Variants in MZF1 observed in about 807,000 individuals in gnomAD.
MZF1 encodes myeloid zinc finger 1.
MZF1 carries 24 observed loss-of-function variants against 28.6 expected under a neutral mutation model. The ratio of observed to expected loss-of-function variants is 0.84; its 90% CI spans 0.61 to 1.18. MZF1 has a LOEUF of 1.18. Ranked by LOEUF, MZF1 falls within the 50% of genes most tolerant of loss-of-function variation. The pLI, the probability that MZF1 is intolerant of heterozygous loss-of-function variation, is 0.00. For missense variants in MZF1, 1,166 were observed against 1,026.4 expected, an observed-to-expected ratio of 1.14 and a Z score of -1.86; for synonymous variants, 516 against 432.5, an observed-to-expected ratio of 1.19 and a Z score of -2.40.
intron 3 of MZF1, 77 bp downstream of exon 3, chr19:58,570,267 T>C: frequency 6.8e-7 from 1 of 1,465,474 alleles, no homozygotes; most frequent in Non-Finnish European, 9.2e-7. Flanking sequence ...CCCAGTGGAC[T>C]TCAGACTGAC....
rs1408250588 is a variant in MZF1 at position 58,562,179 on chromosome 19, G to A, written c.2098C>T (p.Leu700=). 6.2e-7 allele frequency: 1 copy of A among 1,603,914 alleles called. No homozygotes were observed. The highest frequency in any genetic ancestry group is 8.5e-7 in the Non-Finnish European group (1 of 1,177,518). The change falls in exon 6 of 6, where the codon CTG becomes TTG. Residue 700 remains leucine (L), a synonymous_variant. Coordinates refer to ENST00000215057, the MANE Select transcript of MZF1 (RefSeq NM_198055.2). Reference sequence around the variant, plus strand: ...GGCTTCTCTCGTCGGTGGGTGCGCAGATGCTGCGTGAGCGTGGGCCGCTGG... The same window carrying A: ...GGCTTCTCTCGTCGGTGGGTGCGCAAATGCTGCGTGAGCGTGGGCCGCTGG... ...FRQRPTLTQH[L]RTHRREKPFA...
intron 1 of MZF1, chr19:58,572,434 G>A (rs2054182520): frequency 1.3e-6 from 1 of 757,348 alleles, no homozygotes; most frequent in South Asian, 1.6e-5. Context: ...GGGCGGCAAA[G>A]GCTCCAAGAC....
Position 58,570,523 on chromosome 19 carries a change from G to T in MZF1, c.401C>A (p.Thr134Lys). The T allele has an allele frequency of 5.6e-6, 9 of 1,611,432 alleles. No homozygotes were observed. The highest frequency in any genetic ancestry group is 7.6e-6 in the Non-Finnish European group (9 of 1,178,684). Residue 134 changes from threonine to lysine, a missense_variant, in exon 3 of 6, where the codon ACA becomes AAA. By Grantham distance (78) the Thr-to-Lys change is moderately conservative. Transcript: ENST00000215057. Reference sequence around the variant, plus strand: ...GACCTCCTGGCCCTGCACCTGGACTGTGACCTGGGGAGGTGCCCCCACCAT... The same window carrying T: ...GACCTCCTGGCCCTGCACCTGGACTTTGACCTGGGGAGGTGCCCCCACCAT... ...REPGGPRRWV[T>K]VQVQGQEVLS...
At chr19:58,570,609 C>T (rs1367145215) in intron 2 of MZF1, 82 bp from the exon 3 acceptor site, 3 of 1,435,094 alleles carry the variant, frequency 2.1e-6, no homozygotes, top group Non-Finnish European at 2.8e-6. Flanking sequence ...GCCCATCCCA[C>T]TGTAGGATCC....
rs1766621532 is a variant in MZF1 at position 58,563,068 on chromosome 19, C to T, written c.1209G>A (p.Gln403=). 2 of 1,603,424 alleles carry T rather than the reference C, an allele frequency of 1.2e-6. No homozygotes were observed. Among genetic ancestry groups the T allele is most frequent in the Admixed American group, 1.7e-5 (1 of 59,934 alleles). The change falls in exon 6 of 6, where the codon CAG becomes CAA. Residue 403 remains glutamine (Q), a synonymous_variant. Coordinates refer to ENST00000215057, the MANE Select transcript of MZF1 (RefSeq NM_198055.2). Reference sequence around the variant, plus strand: ...ACGGCCGCTCCTCGGTGTGCGTAAGCTGGTGGCGCAGCAGGTGCGAGCTGC... The same window carrying T: ...ACGGCCGCTCCTCGGTGTGCGTAAGTTGGTGGCGCAGCAGGTGCGAGCTGC... ...FSRSSHLLRH[Q]LTHTEERPFV...
chr19:58,563,467 T>C lies in MZF1; in HGVS notation c.810A>G (p.Pro270=). Reference sequence around the variant, plus strand: ...CGTGGAGGTGAGGGCTTACACTACCTGGACCTGCGGAGATGCTGCCTAGCT... The same window carrying C: ...CGTGGAGGTGAGGGCTTACACTACCCGGACCTGCGGAGATGCTGCCTAGCT... ...ALQLGSISAG[P]GSVSPHLHVP... Residue 270 remains proline (P), a synonymous_variant, in exon 6 of 6, where the codon CCA becomes CCG. Transcript: ENST00000215057. 2.5e-6 allele frequency: 4 copies of C among 1,569,944 alleles called. No individual in the cohort carries two copies. The highest frequency in any genetic ancestry group is 3.5e-6 in the Non-Finnish European group (4 of 1,156,602).
chr19:58,571,344 C>A lies in MZF1; in HGVS notation c.46G>T (p.Asp16Tyr). The change falls in exon 2 of 6, where the codon GAT becomes TAT. Residue 16 changes from aspartate to tyrosine, a missense_variant. Physicochemically the swap from Asp to Tyr is radical, Grantham distance 160. Coordinates refer to ENST00000215057, the MANE Select transcript of MZF1 (RefSeq NM_198055.2). Reference sequence around the variant, plus strand: ...AGCTTCACCATGACAGGCCCCTCATCTTCTGGGGGTGCTCGGTCTGGGGAG... The same window carrying A: ...AGCTTCACCATGACAGGCCCCTCATATTCTGGGGGTGCTCGGTCTGGGGAG... The part of the protein sequence containing the change: ...LGSPDRAPPE[D>Y]EGPVMVKLED... 1 of 1,614,208 alleles carries A rather than the reference C, an allele frequency of 6.2e-7. No homozygotes were observed. Among genetic ancestry groups the A allele is most frequent in the Non-Finnish European group, 8.5e-7 (1 of 1,180,038 alleles).
rs923386820 is a variant in MZF1, at chr19:58,570,491, C to A, written c.433G>T (p.Glu145Ter). The change falls in exon 3 of 6, where the codon GAG (glutamate) becomes TAG (stop). Residue 145 changes from glutamate to a stop codon, truncating the protein, a stop_gained. Coordinates refer to ENST00000215057, the MANE Select transcript of MZF1 (RefSeq NM_198055.2). LOFTEE classifies it high-confidence loss of function. Reference sequence around the variant, plus strand: ...TGGAAACTGGAGGGCTCCATCTTCTCTGATAGGACCTCCTGGCCCTGCACC... The same window carrying A: ...TGGAAACTGGAGGGCTCCATCTTCTATGATAGGACCTCCTGGCCCTGCACC... ...VQVQGQEVLS[E>*]KMEPSSFQPL... 3 of 1,613,754 alleles carry A rather than the reference C, an allele frequency of 1.9e-6. No homozygotes were observed. Among genetic ancestry groups the A allele is most frequent in the Non-Finnish European group, 2.5e-6 (3 of 1,179,760 alleles).
In MZF1 at chr19:58,572,883, C is replaced by T. The variant is rs2054192327; in HGVS notation, c.-41+172G>A. The stretch of plus-strand genomic sequence containing the variant: ...GGGCTCCCAAAGCCTGTCGTCGTGG[C>T]AACGAGTAGTGATTGACAAGCCTCT... On this transcript the variant is annotated intron_variant, in intron 1 of 5. Coordinates refer to ENST00000215057, the MANE Select transcript of MZF1 (RefSeq NM_198055.2). 9.9e-6 allele frequency: 3 copies of T among 302,830 alleles called. 1 individual carries two copies. The highest frequency in any genetic ancestry group is 7.3e-5 in the South Asian group (3 of 41,048). The allele number at this position is 302,830 out of a possible 1,614,324, so 18.8% of individuals were successfully genotyped here. A position where few individuals can be genotyped will look rare whatever the true frequency, so the allele number is the denominator to read the frequency against.
chr19:58,569,471 A>G, intron 4 of MZF1, 45 bp downstream of exon 4: 1 of 1,613,410 alleles, frequency 6.2e-7, no homozygotes, highest in Non-Finnish European at 8.5e-7. Context: ...CCCACCCAGC[A>G]ACTTCCAGGG....
At position 58,563,408 on chromosome 19, in the gene MZF1, C is replaced by T. The variant is rs144933302; in HGVS notation, c.869G>A (p.Gly290Asp). The T allele has an allele frequency of 1.9e-6, 3 of 1,594,618 alleles. No homozygotes were observed. In the South Asian group the frequency reaches 3.4e-5, roughly 18 times the overall value. ...PWDLGMAGLS[G>D]QIQSPSREGG... ...TTCGCGGGAGGGTGATTGGATCTGG[C>T]CAGAAAGGCCAGCCATGCCGAGGTC... The change falls in exon 6 of 6, where the codon GGC (glycine) becomes GAC (aspartate). Residue 290 changes from glycine to aspartate, a missense_variant. Physicochemically the swap from Gly to Asp is moderately conservative, Grantham distance 94. Transcript: ENST00000215057.
chr19:58,566,386 G>A (rs1209575977), intron 5 of MZF1, among the ~76,000 whole-genome samples: 2 of 152,120 alleles, frequency 1.3e-5, no homozygotes, highest in South Asian at 2.1e-4. Context: ...GGTGGAGGTT[G>A]CAGTGAGCCG....
In MZF1 at chr19:58,563,265, G is replaced by C. The variant is rs778365813; in HGVS notation, c.1012C>G (p.Pro338Ala). Residue 338 changes from proline (P) to alanine (A), a missense_variant, in exon 6 of 6, where the codon CCC becomes GCC. By Grantham distance (27) the Pro-to-Ala change is conservative. Coordinates refer to ENST00000215057, the MANE Select transcript of MZF1 (RefSeq NM_198055.2). ...GGGCGGCCCCGGCTCCGGCCCCTGG[G>C]GGAGCGCCAGCGGGTGGTGATCAGA... ...PALITTRWRS[P>A]RGRSRGRPST... 12 of 1,607,088 alleles carry C rather than the reference G, an allele frequency of 7.5e-6. No individual in the cohort carries two copies. Among genetic ancestry groups the C allele is most frequent in the Middle Eastern group, 1.7e-4 (1 of 6,056 alleles).
At chr19:58,565,949 G>T (rs1015171214) in intron 5 of MZF1, among the ~76,000 whole-genome samples, 17 of 146,996 alleles carry the variant, frequency 1.2e-4, no homozygotes, top group African/African-American at 4.0e-4. Flanking sequence ...GACCATCCTG[G>T]CTAACACGGC....
chr19:58,570,959 CCA>C (rs1338254546), intron 2 of MZF1, 33 bp downstream of exon 2: 1 of 1,563,572 alleles, frequency 6.4e-7, no homozygotes. Flanking sequence ...GGATGATGCT[CCA>C]GTCCTGAACC....
At chr19:58,563,625 G>A in intron 5 of MZF1, 121 bp from the exon 6 acceptor site, 1 of 754,430 alleles carries the variant, frequency 1.3e-6, no homozygotes, top group Non-Finnish European at 2.1e-6. Flanking sequence ...GGCAGACGGA[G>A]GCGACAAATG....
At position 58,571,330 on chromosome 19, in the gene MZF1, G is replaced by C; in HGVS notation, c.60C>G (p.Val20=). 1 of 1,614,182 alleles carries C rather than the reference G, an allele frequency of 6.2e-7. No individual in the cohort carries two copies. Among genetic ancestry groups the C allele is most frequent in the Non-Finnish European group, 8.5e-7 (1 of 1,180,030 alleles). Residue 20 remains valine, a synonymous_variant, in exon 2 of 6, where the codon GTC becomes GTG. Transcript: ENST00000215057. ...DRAPPEDEGP[V]MVKLEDSEEE... is the part of the protein sequence containing the mutation. ...CCTCAGAGTCCTCTAGCTTCACCAT[G>C]ACAGGCCCCTCATCTTCTGGGGGTG...
chr19:58,562,858 C>G lies in MZF1; in HGVS notation c.1419G>C (p.Pro473=). The G allele has an allele frequency of 1.3e-6, 2 of 1,541,370 alleles. No individual in the cohort carries two copies. Among genetic ancestry groups the G allele is most frequent in the African/African-American group, 1.4e-5 (1 of 72,732 alleles). The change falls in exon 6 of 6, where the codon CCG becomes CCC. Residue 473 remains proline (P), a synonymous_variant. Transcript: ENST00000215057. ...GAGGCTCGGGCGCACCAGGAGGGGC[C>G]GGGGGCTTAGCGCCAGGGCCCGGGG... ...GDPPGPGAKP[P]APPGAPEPPG... is the part of the protein sequence containing the mutation.
intron 5 of MZF1, among the ~76,000 whole-genome samples, chr19:58,564,900 GTGTTTTTTTTTTTTTT>G (rs2054012060): frequency 2.9e-5 from 2 of 69,382 alleles, no homozygotes; most frequent in African/African-American, 7.2e-5. Flanking sequence ...ATCCATGTGT[GTGTTTTTTTTTTTTTT>G]TTTTTTTTTT....
Sources: gnomAD v4.1 joint callset for allele counts (sites outside exome capture counted in the v4.1 genomes callset) on GRCh38, gnomAD v4.1.1 for gene constraint, MANE v1.5 for transcripts, NCBI Gene and HGNC (gene_info 2026-07-23, HGNC 2026-07-21) for gene names.